NRG1: variants seen among roughly 807,000 people sequenced by gnomAD.
NRG1 encodes pro-neuregulin-1, membrane-bound isoform.
A neutral mutation model predicts 63.8 loss-of-function variants in NRG1; 18 were observed. The observed-to-expected ratio is 0.28, with a 90% CI of 0.19 to 0.42. NRG1 has a LOEUF of 0.42. Among genes scored for constraint, NRG1 ranks in the 10% least tolerant of loss-of-function variants. The pLI, the probability that NRG1 is intolerant of heterozygous loss-of-function variation, is 1.00. For synonymous variants in NRG1, 302 were observed against 301.3 expected, an observed-to-expected ratio of 1.00 and a Z score of -0.02; for missense variants, 762 against 814.7, an observed-to-expected ratio of 0.94 and a Z score of 0.79.
At chr8:31,813,516 CTTTTTTTT>C (rs377718067) in intron 1 of NRG1, among the ~76,000 whole-genome samples, 2 of 101,214 alleles carry the variant, frequency 2.0e-5, no homozygotes, top group Non-Finnish European at 3.9e-5. Flanking sequence ...CTTTTCTTTT[CTTTTTTTT>C]TTTTTTTTTG....
intron 1 of NRG1, among the ~76,000 whole-genome samples, chr8:31,824,320 C>T (rs1824323891): frequency 1.3e-5 from 2 of 152,152 alleles, no homozygotes; most frequent in African/African-American, 4.8e-5. Flanking sequence ...TGATGGTTTC[C>T]AGCTTCATCC....
At chr8:32,409,216 C>T (rs1814540348) in intron 1 of NRG1, among the ~76,000 whole-genome samples, 1 of 152,056 alleles carries the variant, frequency 6.6e-6, no homozygotes, top group African/African-American at 2.4e-5. Flanking sequence ...AACAATGAAA[C>T]TCGTTCCCCT....
At chr8:31,861,949 C>T (rs897538654) in intron 1 of NRG1, among the ~76,000 whole-genome samples, 4 of 152,032 alleles carry the variant, frequency 2.6e-5, no homozygotes, top group African/African-American at 9.7e-5. Context: ...GGATGTGAGC[C>T]AGGATGAAGC....
intron 1 of NRG1, among the ~76,000 whole-genome samples, chr8:32,457,023 T>A (rs1327245390): frequency 6.6e-6 from 1 of 152,010 alleles, no homozygotes; most frequent in East Asian, 1.9e-4. Flanking sequence ...TCCCAGCTAC[T>A]CAAGAGGTTG....
intron 1 of NRG1, among the ~76,000 whole-genome samples, chr8:31,680,420 C>T (rs1808206534): frequency 6.6e-6 from 1 of 151,870 alleles, no homozygotes; most frequent in African/African-American, 2.4e-5. Flanking sequence ...CGATAGTTTA[C>T]TGAGAATGAT....
intron 1 of NRG1, among the ~76,000 whole-genome samples, chr8:31,713,364 C>A (rs1812018447): frequency 6.6e-6 from 1 of 152,040 alleles, no homozygotes; most frequent in Non-Finnish European, 1.5e-5. Context: ...GATCCGCCGG[C>A]CTCGGCCTCC....
In NRG1 at chr8:32,583,446, T is replaced by C. The variant is rs528523542; in HGVS notation, c.101-12382T>C. The stretch of plus-strand genomic sequence containing the variant: ...CTTGTGGCAAAAGCTCAAGATGTTA[T>C]GTGTAGAGTTCAGTAATTTAAATTC... On this transcript the variant is annotated intron_variant, in intron 1 of 11. Transcript: ENST00000356819. Among the ~76,000 whole-genome samples the C allele has an allele frequency of 2.0e-5, 3 of 152,302 alleles. No individual in the cohort carries two copies. The East Asian group carries it at 5.8e-4, about 29-fold the overall frequency.
chr8:32,337,255 C>T (rs1452556680), intron 1 of NRG1, among the ~76,000 whole-genome samples: 2 of 152,030 alleles, frequency 1.3e-5, no homozygotes, highest in Non-Finnish European at 2.9e-5. Flanking sequence ...AAACAGTCCT[C>T]CTGCCTCAGC....
intron 1 of NRG1, among the ~76,000 whole-genome samples, chr8:31,822,010 C>T (rs772521503): frequency 1.1e-4 from 16 of 152,262 alleles, no homozygotes; most frequent in South Asian, 2.1e-4. Flanking sequence ...GTGATCAGAG[C>T]GGAGCTTCAT....
At chr8:32,530,585 G>C (rs998033492) in intron 1 of NRG1, among the ~76,000 whole-genome samples, 1 of 152,156 alleles carries the variant, frequency 6.6e-6, no homozygotes, top group Non-Finnish European at 1.5e-5. Context: ...CTCTCAAGTA[G>C]AACTGATTTA....
At chr8:32,448,456 TTAA>T (rs1820543709) in intron 1 of NRG1, among the ~76,000 whole-genome samples, 1 of 152,218 alleles carries the variant, frequency 6.6e-6, no homozygotes, top group Non-Finnish European at 1.5e-5. Context: ...TAATTTTTAC[TTAA>T]TCATAGCTCC....
At chr8:32,367,940 A>G (rs937881045) in intron 1 of NRG1, among the ~76,000 whole-genome samples, 2 of 152,080 alleles carry the variant, frequency 1.3e-5, no homozygotes, top group African/African-American at 2.4e-5. Context: ...CCTTTCCTCA[A>G]TGTATGTTTT....
chr8:32,440,443 G>A (rs2129487398), intron 1 of NRG1, among the ~76,000 whole-genome samples: 1 of 152,262 alleles, frequency 6.6e-6, no homozygotes, highest in Admixed American at 6.5e-5. Flanking sequence ...ACAGGTGTGA[G>A]CCAGTACACC....
chr8:31,649,886 AC>A (rs1425316819), intron 1 of NRG1, among the ~76,000 whole-genome samples: 2 of 152,104 alleles, frequency 1.3e-5, no homozygotes, highest in African/African-American at 2.4e-5. Context: ...AATTGCCTCT[AC>A]CCCAGCAATT....
rs368871047 is a variant in NRG1, at chr8:31,956,919, A to C, written c.37+317488A>C. On this transcript the variant is annotated intron_variant, in intron 1 of 10. Transcript: ENST00000519301. The stretch of plus-strand genomic sequence containing the variant: ...CTGCTCTGGGTAAAACTATTGGATA[A>C]ATGAGGTTTGGAGAATAGATGTGAA... Among the ~76,000 whole-genome samples, 23 of 152,308 alleles carry C rather than the reference A, an allele frequency of 1.5e-4. No individual in the cohort carries two copies. The East Asian group carries it at 3.3e-3, about 22-fold the overall frequency.
At chr8:32,531,296 T>C (rs1446932931) in intron 1 of NRG1, among the ~76,000 whole-genome samples, 1 of 152,172 alleles carries the variant, frequency 6.6e-6, no homozygotes, top group South Asian at 2.1e-4. Context: ...CTGTAATCTG[T>C]TGAAATGCTG....
chr8:31,834,715 A>C (rs565471761), intron 1 of NRG1, among the ~76,000 whole-genome samples: 3 of 152,326 alleles, frequency 2.0e-5, no homozygotes, highest in East Asian at 1.9e-4. Flanking sequence ...TGTCTCAAAA[A>C]ATTTAAAAAA....
At chr8:32,439,305 A>G (rs1016875649) in intron 1 of NRG1, among the ~76,000 whole-genome samples, 4 of 152,226 alleles carry the variant, frequency 2.6e-5, no homozygotes, top group Admixed American at 2.6e-4. Flanking sequence ...ATGAGGATAC[A>G]AAACTCATAA....
At chr8:32,646,941 T>C in intron 5 of NRG1, 2 of 981,990 alleles carry the variant, frequency 2.0e-6, no homozygotes, top group Non-Finnish European at 2.4e-6. Flanking sequence ...CGGGCTTGGA[T>C]GAAGAAGGGA....
Sources: gnomAD v4.1 joint callset for allele counts (sites outside exome capture counted in the v4.1 genomes callset) on GRCh38, gnomAD v4.1.1 for gene constraint, MANE v1.5 for transcripts, NCBI Gene and HGNC (gene_info 2026-07-23, HGNC 2026-07-21) for gene names.